CP: variants seen among roughly 807,000 people sequenced by gnomAD.
The protein encoded by CP is ceruloplasmin, also known as caeruloplasmin.
CP carries 64 observed loss-of-function variants against 122.4 expected under a neutral mutation model. That is an observed-to-expected ratio of 0.52 (90% CI 0.43 to 0.64). The LOEUF is 0.64. Among genes scored for constraint, CP ranks in the 30% least tolerant of loss-of-function variants. CP has a pLI of 0.00. For synonymous variants in CP, 440 were observed against 436.4 expected (o/e 1.01, Z -0.10); for missense variants, 1,167 against 1,284.4 (o/e 0.91, Z 1.40).
chr3:149,185,099 GTTT>G, intron 12 of CP, 137 bp downstream of exon 12: 1 of 753,764 alleles, frequency 1.3e-6, no homozygotes, highest in Non-Finnish European at 2.2e-6. Context: ...CCTAGGAAGT[GTTT>G]TGTTGTTGTT....
chr3:149,179,957 A>G (rs1382500162), intron 14 of CP: 3 of 345,708 alleles, frequency 8.7e-6, no homozygotes, highest in Non-Finnish European at 1.6e-5. Context: ...TACAATTTGA[A>G]AAAACTTTGC....
chr3:149,162,611 C>T (rs1329726210), exon 6 of CP: 1 of 1,420,602 alleles, frequency 7.0e-7, no homozygotes, highest in Non-Finnish European at 9.9e-7. Flanking sequence ...CCATGTGATG[C>T]TGTGATATTC....
intron 1 of CP, among the ~76,000 whole-genome samples, chr3:149,219,780 G>A (rs989351127): frequency 1.3e-5 from 2 of 152,156 alleles, no homozygotes; most frequent in African/African-American, 4.8e-5. Flanking sequence ...GCAGAGGCTG[G>A]AATAGTTTGG....
Position 149,186,605 on chromosome 3 carries a change from T to C in CP, c.1992A>G (p.Thr664=), listed in dbSNP as rs201270965. The change falls in exon 11 of 19, where the codon ACA becomes ACG. Residue 664 remains threonine, a synonymous_variant. Coordinates refer to ENST00000264613, the MANE Select transcript of CP (RefSeq NM_000096.4). ...DVHGIYFSGN[T]YLWRGERRDT... Reference sequence around the variant, plus strand: ...CTCTCCGTTCTCCTCTCCACAGATATGTGTTTCCTGAAAAGTATATTCCAT... The same window carrying C: ...CTCTCCGTTCTCCTCTCCACAGATACGTGTTTCCTGAAAAGTATATTCCAT... The C allele has an allele frequency of 1.1e-5, 17 of 1,614,080 alleles. No individual in the cohort carries two copies. The highest frequency in any genetic ancestry group is 3.3e-5 in the Admixed American group (2 of 60,014).
intron 9 of CP, among the ~76,000 whole-genome samples, chr3:149,198,136 T>C (rs1056424544): frequency 1.3e-5 from 2 of 152,178 alleles, no homozygotes; most frequent in Admixed American, 6.5e-5. Flanking sequence ...AAAAAGTCAG[T>C]TGGGGAAATG....
intron 5 of CP, among the ~76,000 whole-genome samples, chr3:149,207,028 A>T (rs564306149): frequency 1.3e-5 from 2 of 152,196 alleles, no homozygotes; most frequent in Non-Finnish European, 2.9e-5. Flanking sequence ...TGACAGAAAT[A>T]AGTCGAAAAA....
At chr3:149,170,974 C>A (rs554951896), downstream of CP, among the ~76,000 whole-genome samples, 118 of 152,070 alleles carry the variant, frequency 7.8e-4, no homozygotes, top group Non-Finnish European at 1.4e-3. Context: ...TGTTACATTC[C>A]TTAATATTTA....
In CP at chr3:149,176,421, G is replaced by GA; in HGVS notation, c.3019-10dup. ...CTATAAACTCCCCTGTGCTTAATTAGAAAAATGACAAATAATGTATAATAT... is the reference window on the plus strand; with the variant it reads ...CTATAAACTCCCCTGTGCTTAATTAGAAAAAATGACAAATAATGTATAATAT... On this transcript the variant is annotated splice_polypyrimidine_tract_variant and intron_variant, in intron 17 of 18. Coordinates refer to ENST00000264613, the MANE Select transcript of CP (RefSeq NM_000096.4). The GA allele has an allele frequency of 6.3e-7, 1 of 1,593,422 alleles. No homozygotes were observed. The highest frequency in any genetic ancestry group is 8.6e-7 in the Non-Finnish European group (1 of 1,161,386).
At chr3:149,194,560 A>G (rs1015040721) in intron 9 of CP, among the ~76,000 whole-genome samples, 10 of 152,096 alleles carry the variant, frequency 6.6e-5, no homozygotes, top group African/African-American at 2.4e-4. Context: ...ATGTTAAGTG[A>G]TGGTATTACC....
chr3:149,190,733 AT>A (rs1559944181), intron 9 of CP, among the ~76,000 whole-genome samples: 1 of 151,954 alleles, frequency 6.6e-6, no homozygotes, highest in Non-Finnish European at 1.5e-5. Context: ...AGTCAAAATA[AT>A]TTTTAAGGCA....
exon 6 of CP, chr3:149,162,748 C>A: frequency 6.2e-7 from 1 of 1,614,010 alleles, no homozygotes. Context: ...TTTTGGGAAG[C>A]TCAGCTAGTG....
At chr3:149,215,366 T>C (rs539536063) in intron 1 of CP, among the ~76,000 whole-genome samples, 3 of 152,220 alleles carry the variant, frequency 2.0e-5, no homozygotes, top group Non-Finnish European at 4.4e-5. Flanking sequence ...CTATATTGCC[T>C]AGGCTTTGTA....
intron 17 of CP, among the ~76,000 whole-genome samples, chr3:149,177,268 CTT>C (rs1725478117): frequency 6.6e-6 from 1 of 152,174 alleles, no homozygotes; most frequent in South Asian, 2.1e-4. Flanking sequence ...TTCCTACCCT[CTT>C]TGTTAGCAAT....
exon 6 of CP, chr3:149,162,458 G>A (rs560653678): frequency 5.3e-6 from 5 of 951,864 alleles, no homozygotes; most frequent in African/African-American, 3.3e-5. Context: ...TACATAATCA[G>A]TTTATAAGAT....
At chr3:149,217,373 C>G (rs182921214) in intron 1 of CP, among the ~76,000 whole-genome samples, 1 of 152,110 alleles carries the variant, frequency 6.6e-6, no homozygotes, top group South Asian at 2.1e-4. Flanking sequence ...ACAACATCAG[C>G]GCCTTGGGTT....
Position 149,188,184 on chromosome 3 carries a change from AT to A in CP, c.1731del (p.Glu577AspfsTer47), listed in dbSNP as rs2108244261. 3 of 1,611,918 alleles carry A rather than the reference AT, an allele frequency of 1.9e-6. No homozygotes were observed. Among genetic ancestry groups the A allele is most frequent in the Non-Finnish European group, 2.5e-6 (3 of 1,179,392 alleles). ...ANGRQKDVDKEFYLFPTVFDE... is the reference protein window; with the variant it reads ...ANGRQKDVDKXFYLFPTVFDE... ...TCAAATACTGTAGGAAACAAATAGA[AT>A]TCCTTGTCTACATCTTTCTGTAAAT... On this transcript the variant is annotated frameshift_variant, in exon 10 of 19. Transcript: ENST00000264613. LOFTEE classifies it high-confidence loss of function.
chr3:149,218,925 A>G (rs1728636566), intron 1 of CP, among the ~76,000 whole-genome samples: 1 of 152,112 alleles, frequency 6.6e-6, no homozygotes, highest in South Asian at 2.1e-4. Flanking sequence ...TCTTCAGCCC[A>G]TTTATTTCCA....
chr3:149,186,584 C>G lies in CP; in HGVS notation c.2013G>C (p.Arg671=). 6.2e-7 allele frequency: 1 copy of G among 1,614,184 alleles called. No individual in the cohort carries two copies. Among genetic ancestry groups the G allele is most frequent in the Non-Finnish European group, 8.5e-7 (1 of 1,180,022 alleles). ...GAGGGAAGAGGTTTGCTGTGTCTCT[C>G]CGTTCTCCTCTCCACAGATATGTGT... The part of the protein sequence containing the change: ...SGNTYLWRGE[R]RDTANLFPQT... Residue 671 remains arginine, a synonymous_variant, in exon 11 of 19, where the codon CGG becomes CGC. Coordinates refer to ENST00000264613, the MANE Select transcript of CP (RefSeq NM_000096.4).
downstream of CP, among the ~76,000 whole-genome samples, chr3:149,171,927 G>GAA (rs1395332066): frequency 3.3e-5 from 5 of 152,036 alleles, no homozygotes; most frequent in Admixed American, 1.3e-4. Flanking sequence ...GACTGGTCTT[G>GAA]AACTCCTGAC....
Sources: allele counts gnomAD v4.1 joint callset (sites outside exome capture counted in the v4.1 genomes callset), GRCh38; gene constraint gnomAD v4.1.1; transcripts MANE v1.5; gene names NCBI Gene and HGNC (gene_info 2026-07-23, HGNC 2026-07-21).